Variants in SLC24A2 observed in about 807,000 individuals in gnomAD.
SLC24A2 encodes the protein solute carrier family 24 member 2.
SLC24A2 carries 36 observed loss-of-function variants against 62.0 expected under a neutral mutation model. The ratio of observed to expected loss-of-function variants is 0.58; its 90% CI spans 0.44 to 0.77. The LOEUF is 0.77. Ranked by LOEUF, SLC24A2 falls within the 30% of genes least tolerant of loss-of-function variation. SLC24A2 has a pLI of 0.00. For synonymous variants in SLC24A2, 358 were observed against 294.0 expected (o/e 1.22, Z -2.23); for missense variants, 846 against 817.9 (o/e 1.03, Z -0.42).
At chr9:20,086,894 C>T in the SLC24A2 span, among the ~76,000 whole-genome samples, 429 of 152,306 alleles carry the variant, frequency 2.8e-3, no homozygotes, top group African/African-American at 8.5e-3. Flanking sequence ...GCCACACTTA[C>T]AAGAGGTTAT....
the SLC24A2 span, among the ~76,000 whole-genome samples, chr9:20,291,054 A>G: frequency 1.3e-5 from 2 of 152,226 alleles, no homozygotes; most frequent in Non-Finnish European, 2.9e-5. Flanking sequence ...TCCTTGTGCA[A>G]TAAACAACAT....
the SLC24A2 span, among the ~76,000 whole-genome samples, chr9:19,975,172 G>GATTTAAATGGTC: frequency 6.6e-6 from 1 of 152,186 alleles, no homozygotes; most frequent in Non-Finnish European, 1.5e-5. Flanking sequence ...TTAAAGGTCT[G>GATTTAAATGGTC]TGATATTTAG....
chr9:20,147,021 G>A, the SLC24A2 span, among the ~76,000 whole-genome samples: 59 of 152,108 alleles, frequency 3.9e-4, no homozygotes, highest in African/African-American at 1.2e-3. Context: ...AAAGAATAAC[G>A]TACAACCCCC....
the SLC24A2 span, among the ~76,000 whole-genome samples, chr9:20,305,085 C>T: frequency 3.5e-3 from 526 of 150,254 alleles, 3 homozygotes; most frequent in African/African-American, 0.011. Flanking sequence ...TTAAAGAAAG[C>T]GGATTCTACC....
chr9:19,765,791 G>C (rs1274878383), intron 2 of SLC24A2, among the ~76,000 whole-genome samples: 2 of 152,072 alleles, frequency 1.3e-5, no homozygotes, highest in Non-Finnish European at 2.9e-5. Flanking sequence ...TGCTCTTCTC[G>C]AGGAGTATCT....
chr9:19,888,962 T>G, the SLC24A2 span, among the ~76,000 whole-genome samples: 3 of 152,184 alleles, frequency 2.0e-5, no homozygotes, highest in African/African-American at 7.2e-5. Context: ...CCTGGTAGCC[T>G]TCTCCTGGAG....
chr9:20,288,453 G>T, the SLC24A2 span, among the ~76,000 whole-genome samples: 5 of 152,178 alleles, frequency 3.3e-5, no homozygotes, highest in South Asian at 1.0e-3. Flanking sequence ...GAGGGAATGG[G>T]TAACTTCTCC....
At chr9:19,761,661 G>A (rs1483891909) in intron 2 of SLC24A2, among the ~76,000 whole-genome samples, 2 of 151,380 alleles carry the variant, frequency 1.3e-5, no homozygotes, top group Non-Finnish European at 2.9e-5. Context: ...AGTCCCATGT[G>A]TGATGCTCCC....
At chr9:20,257,644 C>A in the SLC24A2 span, among the ~76,000 whole-genome samples, 15 of 152,216 alleles carry the variant, frequency 9.9e-5, no homozygotes, top group African/African-American at 1.7e-4. Context: ...CGGTTACTGA[C>A]TTTTATTAAC....
the SLC24A2 span, among the ~76,000 whole-genome samples, chr9:20,044,480 G>T: frequency 6.6e-6 from 1 of 152,094 alleles, no homozygotes; most frequent in Non-Finnish European, 1.5e-5. Context: ...ACATTGGGAG[G>T]CAGGGTTGTG....
chr9:20,034,257 A>C, the SLC24A2 span, among the ~76,000 whole-genome samples: 1 of 152,110 alleles, frequency 6.6e-6, no homozygotes, highest in Non-Finnish European at 1.5e-5. Context: ...GTTTTATAGC[A>C]GAAGTTGATG....
intron 10 of SLC24A2, among the ~76,000 whole-genome samples, chr9:19,516,879 G>T (rs1202239866): frequency 1.3e-5 from 2 of 152,112 alleles, no homozygotes; most frequent in African/African-American, 4.8e-5. Context: ...ATAGTCTAAA[G>T]GCAAGTGAAA....
At chr9:20,075,603 C>T in the SLC24A2 span, among the ~76,000 whole-genome samples, 55,878 of 151,994 alleles carry the variant, frequency 0.37, 10,556 homozygotes, top group Middle Eastern at 0.49. Flanking sequence ...GATCAGATGG[C>T]TTGTAGGTGT....
In SLC24A2 at chr9:19,733,243, A is replaced by G. The variant is rs1448497266; in HGVS notation, c.930+52694T>C. Reference sequence around the variant, plus strand: ...TCTGGATTTAGAATTTTCTTGGAACAATTCGGTATACCTGTTATTTGTGAA... The same window carrying G: ...TCTGGATTTAGAATTTTCTTGGAACGATTCGGTATACCTGTTATTTGTGAA... On this transcript the variant is annotated intron_variant, in intron 2 of 10. Coordinates refer to ENST00000341998, the MANE Select transcript of SLC24A2 (RefSeq NM_020344.4). Among the ~76,000 whole-genome samples, 3 of 152,150 alleles carry G rather than the reference A, an allele frequency of 2.0e-5. No individual in the cohort carries two copies. The South Asian group carries it at 6.2e-4, about 32-fold the overall frequency.
At chr9:20,010,196 G>C in the SLC24A2 span, among the ~76,000 whole-genome samples, 4 of 152,244 alleles carry the variant, frequency 2.6e-5, no homozygotes, top group Non-Finnish European at 5.9e-5. Flanking sequence ...TGCATGCTCA[G>C]CGTTGCCACC....
At chr9:19,544,714 T>A (rs1002585634) in intron 8 of SLC24A2, among the ~76,000 whole-genome samples, 5 of 152,282 alleles carry the variant, frequency 3.3e-5, no homozygotes, top group Non-Finnish European at 1.5e-5. Context: ...GATATGAAAT[T>A]CTGGGTTGAA....
the SLC24A2 span, among the ~76,000 whole-genome samples, chr9:20,202,137 G>A: frequency 0.7 from 105,335 of 151,050 alleles, 38,561 homozygotes; most frequent in Non-Finnish European, 0.8. Context: ...TCAGATGCCC[G>A]CAAATTGCTG....
the SLC24A2 span, among the ~76,000 whole-genome samples, chr9:19,804,071 C>G: frequency 6.6e-6 from 1 of 152,068 alleles, no homozygotes; most frequent in Admixed American, 6.6e-5. Flanking sequence ...CCTCTAACAT[C>G]GTTATTTTCA....
At chr9:19,800,055 T>C in the SLC24A2 span, among the ~76,000 whole-genome samples, 4 of 152,214 alleles carry the variant, frequency 2.6e-5, no homozygotes, top group Non-Finnish European at 5.9e-5. Flanking sequence ...ATCTTCTTCA[T>C]ATGGCTTTCT....
Sources: allele counts gnomAD v4.1 joint callset (sites outside exome capture counted in the v4.1 genomes callset), GRCh38; gene constraint gnomAD v4.1.1; transcripts MANE v1.5; gene names NCBI Gene and HGNC (gene_info 2026-07-23, HGNC 2026-07-21).